The following OTUD7B variants were observed in gnomAD, a reference collection of about 807,000 sequenced individuals.
OTUD7B encodes OTU domain-containing protein 7B.
Under a neutral mutation model 82.2 loss-of-function variants are expected in OTUD7B, and 34 were observed. The observed-to-expected ratio is 0.41, with a 90% CI of 0.31 to 0.55. The LOEUF is 0.55. OTUD7B is among the 20% of genes least tolerant of loss of function. The probability of loss-of-function intolerance (pLI) is 0.20; values close to 1 mark genes in which losing one functional copy is unlikely to be tolerated. For synonymous variants in OTUD7B, 398 were observed against 402.7 expected (o/e 0.99, Z 0.14); for missense variants, 944 against 1,062.1 (o/e 0.89, Z 1.55).
chr1:149,999,571 A>G (rs1652143193), intron 1 of OTUD7B, among the ~76,000 whole-genome samples: 1 of 152,150 alleles, frequency 6.6e-6, no homozygotes, highest in African/African-American at 2.4e-5. Flanking sequence ...TCTAAAATAT[A>G]TTTTTGTTGG....
At chr1:150,051,763 T>C in the OTUD7B span, among the ~76,000 whole-genome samples, 3,276 of 152,290 alleles carry the variant, frequency 0.022, 97 homozygotes, top group African/African-American at 0.074. Flanking sequence ...CTACTATTAT[T>C]AAGAGAATAA....
intron 7 of OTUD7B, among the ~76,000 whole-genome samples, chr1:149,957,075 G>A (rs1553774713): frequency 6.6e-6 from 1 of 152,196 alleles, no homozygotes; most frequent in Non-Finnish European, 1.5e-5. Flanking sequence ...TTGTTCTGTT[G>A]CTGGTGAGGA....
At chr1:150,036,610 A>G in the OTUD7B span, among the ~76,000 whole-genome samples, 1 of 152,204 alleles carries the variant, frequency 6.6e-6, no homozygotes, top group Non-Finnish European at 1.5e-5. Context: ...TATCATTATT[A>G]TGTAATCAAC....
chr1:150,023,998 G>A, the OTUD7B span, among the ~76,000 whole-genome samples: 1 of 152,144 alleles, frequency 6.6e-6, no homozygotes, highest in Non-Finnish European at 1.5e-5. Flanking sequence ...CACTTTAATT[G>A]GCAGCAGTAC....
chr1:150,026,656 T>C, the OTUD7B span, among the ~76,000 whole-genome samples: 12 of 152,186 alleles, frequency 7.9e-5, no homozygotes, highest in African/African-American at 2.9e-4. Context: ...GTCATAAATA[T>C]ATAAGCCCAG....
chr1:150,041,427 C>G, the OTUD7B span, among the ~76,000 whole-genome samples: 22,749 of 152,080 alleles, frequency 0.15, 1,876 homozygotes, highest in African/African-American at 0.18. Context: ...CCGCCTCCCG[C>G]GTTCAAGCGA....
intron 1 of OTUD7B, among the ~76,000 whole-genome samples, chr1:149,982,847 T>TTTC (rs1650864326): frequency 1.5e-5 from 2 of 136,632 alleles, no homozygotes; most frequent in East Asian, 4.3e-4. Flanking sequence ...CTTACTTTTT[T>TTTC]TTTTTTTTTT....
intron 7 of OTUD7B, among the ~76,000 whole-genome samples, chr1:149,952,572 G>C (rs1346671290): frequency 6.6e-6 from 1 of 152,158 alleles, no homozygotes; most frequent in Non-Finnish European, 1.5e-5. Flanking sequence ...CCCAGTAATG[G>C]GATGGCTACG....
At chr1:150,023,128 A>C in the OTUD7B span, among the ~76,000 whole-genome samples, 1 of 152,240 alleles carries the variant, frequency 6.6e-6, no homozygotes, top group African/African-American at 2.4e-5. Flanking sequence ...GCTTTTATCA[A>C]AAACATGAAA....
chr1:149,984,376 G>A (rs891626778), intron 1 of OTUD7B, among the ~76,000 whole-genome samples: 20 of 152,302 alleles, frequency 1.3e-4, no homozygotes, highest in African/African-American at 3.6e-4. Context: ...TCTGCAGAAA[G>A]AGAATGGCAC....
chr1:150,025,572 C>T, the OTUD7B span, among the ~76,000 whole-genome samples: 1 of 152,076 alleles, frequency 6.6e-6, no homozygotes, highest in Non-Finnish European at 1.5e-5. Context: ...TTATTCTCTC[C>T]CACTACAGAC....
Position 149,939,392 on chromosome 1 carries a change from G to GT in OTUD7B, c.*4464dup, listed in dbSNP as rs1390573857. ...CAGAGAAAGTCTACATGGGGACATC[G>GT]TAATATTTTGTTACCCAACTGATGT... On this transcript the variant is annotated 3_prime_UTR_variant, in exon 12 of 12. Transcript: ENST00000581312. 2 of 152,294 alleles carry GT rather than the reference G, an allele frequency of 1.3e-5. No individual in the cohort carries two copies. Among genetic ancestry groups the GT allele is most frequent in the Non-Finnish European group, 2.9e-5 (2 of 68,028 alleles). 9.4% of individuals were successfully genotyped at this position (152,294 alleles called of 1,614,324 possible).
At chr1:150,009,458 C>A (rs1225409954) in intron 1 of OTUD7B, among the ~76,000 whole-genome samples, 1 of 152,100 alleles carries the variant, frequency 6.6e-6, no homozygotes, top group Non-Finnish European at 1.5e-5. Flanking sequence ...AAATTAGCAG[C>A]ATGTGAATTT....
At chr1:149,988,083 G>A (rs1219933792) in intron 1 of OTUD7B, among the ~76,000 whole-genome samples, 1 of 151,162 alleles carries the variant, frequency 6.6e-6, no homozygotes, top group Non-Finnish European at 1.5e-5. Flanking sequence ...TTTGATTATT[G>A]GAAGGAAATG....
chr1:149,977,071 A>C (rs1360843009), intron 2 of OTUD7B, among the ~76,000 whole-genome samples: 1 of 152,194 alleles, frequency 6.6e-6, no homozygotes, highest in African/African-American at 2.4e-5. Flanking sequence ...CAGTGAGCCA[A>C]GATCATGCCA....
the OTUD7B span, among the ~76,000 whole-genome samples, chr1:150,044,445 T>C: frequency 6.6e-6 from 1 of 152,000 alleles, no homozygotes; most frequent in African/African-American, 2.4e-5. Flanking sequence ...TGACTTCAAG[T>C]GACCCACCCG....
At chr1:150,008,453 T>C (rs1652808406) in intron 1 of OTUD7B, among the ~76,000 whole-genome samples, 1 of 152,258 alleles carries the variant, frequency 6.6e-6, no homozygotes, top group Non-Finnish European at 1.5e-5. Context: ...TTCCAAGTTG[T>C]TGGCAACATA....
chr1:150,001,697 G>A (rs1475869612), intron 1 of OTUD7B, among the ~76,000 whole-genome samples: 1 of 151,928 alleles, frequency 6.6e-6, no homozygotes, highest in Non-Finnish European at 1.5e-5. Context: ...AAAACAAAAT[G>A]TACCCTTGCC....
intron 1 of OTUD7B, among the ~76,000 whole-genome samples, chr1:149,982,916 G>A (rs1314331024): frequency 2.2e-5 from 3 of 136,800 alleles, no homozygotes; most frequent in Admixed American, 1.7e-4. Context: ...GCCTGATCTC[G>A]GCTCACTGCA....
Sources: gnomAD v4.1 joint callset for allele counts (sites outside exome capture counted in the v4.1 genomes callset) on GRCh38, gnomAD v4.1.1 for gene constraint, MANE v1.5 for transcripts, NCBI Gene and HGNC (gene_info 2026-07-23, HGNC 2026-07-21) for gene names.